MTA3: variants seen among roughly 807,000 people sequenced by gnomAD.
MTA3 encodes the protein metastasis associated 1 family member 3.
A neutral mutation model predicts 83.5 loss-of-function variants in MTA3; 34 were observed. The ratio of observed to expected loss-of-function variants is 0.41; its 90% CI spans 0.31 to 0.54. MTA3 has a LOEUF of 0.54. Ranked by LOEUF, MTA3 falls within the 20% of genes least tolerant of loss-of-function variation. MTA3 has a pLI of 0.33. For synonymous variants in MTA3, 303 were observed against 252.7 expected (o/e 1.20, Z -1.89); for missense variants, 761 against 726.4 (o/e 1.05, Z -0.55).
intron 2 of MTA3, among the ~76,000 whole-genome samples, chr2:42,574,209 A>G (rs995419479): frequency 3.5e-5 from 5 of 144,152 alleles, no homozygotes; most frequent in Non-Finnish European, 7.5e-5. Flanking sequence ...ACCTCCTCTC[A>G]CCACAACCTC....
At chr2:42,666,158 T>A (rs1690213169) in intron 8 of MTA3, among the ~76,000 whole-genome samples, 1 of 152,142 alleles carries the variant, frequency 6.6e-6, no homozygotes, top group African/African-American at 2.4e-5. Flanking sequence ...GCACCTGTAG[T>A]CCCAGCTACT....
At chr2:42,746,867 G>T (rs1669473673) in intron 16 of MTA3, among the ~76,000 whole-genome samples, 1 of 152,228 alleles carries the variant, frequency 6.6e-6, no homozygotes, top group Non-Finnish European at 1.5e-5. Flanking sequence ...CTGCCCGCTT[G>T]GGCCTTTTAT....
intron 8 of MTA3, among the ~76,000 whole-genome samples, chr2:42,669,505 C>T (rs1690602559): frequency 6.6e-6 from 1 of 152,148 alleles, no homozygotes; most frequent in African/African-American, 2.4e-5. Flanking sequence ...AAAAACTTAT[C>T]ACGGGTACTG....
At chr2:42,540,927 T>C (rs1253311480) in intron 2 of MTA3, among the ~76,000 whole-genome samples, 1 of 152,166 alleles carries the variant, frequency 6.6e-6, no homozygotes, top group Non-Finnish European at 1.5e-5. Flanking sequence ...AATGCACGAA[T>C]TTTGTACTAC....
chr2:42,625,588 T>C lies in MTA3; in HGVS notation c.318-14585T>C, dbSNP rs968634410. On this transcript the variant is annotated intron_variant, in intron 4 of 16. Transcript: ENST00000405094. Reference sequence around the variant, plus strand: ...GGTGAAACCCCGTCTCTACTAAAAATACAAAAAAATTAGCTGGGCGTGGTG... The same window carrying C: ...GGTGAAACCCCGTCTCTACTAAAAACACAAAAAAATTAGCTGGGCGTGGTG... 2.7e-5 allele frequency among the ~76,000 whole-genome samples: 4 copies of C among 149,806 alleles called. No homozygotes were observed. The East Asian group carries it at 6.2e-4, about 23-fold the overall frequency.
intron 14 of MTA3, chr2:42,709,398 C>A: frequency 1.1e-6 from 1 of 920,678 alleles, no homozygotes; most frequent in Non-Finnish European, 1.4e-6. Context: ...GCCTGCAGAG[C>A]CCTTATTGAA....
At chr2:42,672,948 G>A (rs1261028404) in intron 8 of MTA3, among the ~76,000 whole-genome samples, 2 of 150,230 alleles carry the variant, frequency 1.3e-5, no homozygotes. Context: ...CTGGGTTCAC[G>A]CGATTCTCCT....
chr2:42,503,712 C>T (rs565387608), intron 2 of MTA3, among the ~76,000 whole-genome samples: 6 of 152,062 alleles, frequency 3.9e-5, no homozygotes, highest in Non-Finnish European at 2.9e-5. Flanking sequence ...GCTCCTGTTC[C>T]TTCTCATGGC....
At chr2:42,610,699 C>T (rs527715016) in intron 4 of MTA3, among the ~76,000 whole-genome samples, 19 of 152,174 alleles carry the variant, frequency 1.2e-4, no homozygotes, top group Admixed American at 5.2e-4. Context: ...TTCTTACCCT[C>T]GGTCAGGAAA....
At chr2:42,710,549 CAAA>C (rs765315082) in intron 14 of MTA3, among the ~76,000 whole-genome samples, 18 of 61,066 alleles carry the variant, frequency 2.9e-4, no homozygotes, top group Non-Finnish European at 4.2e-4. Flanking sequence ...AACTTCATCT[CAAA>C]AAAAAAAAAA....
chr2:42,699,105 A>G (rs1040577828), intron 11 of MTA3, among the ~76,000 whole-genome samples: 1 of 152,198 alleles, frequency 6.6e-6, no homozygotes, highest in East Asian at 1.9e-4. Flanking sequence ...CTTTACGCTG[A>G]CTTTGGAGTC....
chr2:42,647,115 C>T (rs1688272483), intron 6 of MTA3, among the ~76,000 whole-genome samples: 2 of 144,272 alleles, frequency 1.4e-5, no homozygotes, highest in African/African-American at 5.4e-5. Context: ...CGAGATCGCG[C>T]CACTGCACTC....
chr2:42,518,414 C>A (rs549589506), intron 2 of MTA3, among the ~76,000 whole-genome samples: 1 of 152,238 alleles, frequency 6.6e-6, no homozygotes, highest in African/African-American at 2.4e-5. Context: ...AATGTCAAAG[C>A]CACAGAAGAA....
At chr2:42,575,805 G>C (rs1254018392) in intron 2 of MTA3, among the ~76,000 whole-genome samples, 1 of 152,108 alleles carries the variant, frequency 6.6e-6, no homozygotes, top group Non-Finnish European at 1.5e-5. Flanking sequence ...GGTGAACATA[G>C]CTTATTTCAC....
At chr2:42,640,454 A>G (rs1687603970) in intron 5 of MTA3, among the ~76,000 whole-genome samples, 1 of 152,216 alleles carries the variant, frequency 6.6e-6, no homozygotes, top group South Asian at 2.1e-4. Flanking sequence ...TTCAGTTGGT[A>G]ATGAATGGCA....
Position 42,659,708 on chromosome 2 carries a change from A to T in MTA3, c.603-55A>T. The T allele has an allele frequency of 3.0e-6, 4 of 1,342,864 alleles. 1 individual carries two copies. The South Asian group carries it at 7.1e-5, about 24-fold the overall frequency. The allele number at this position is 1,342,864 out of a possible 1,614,324, so 83.2% of individuals were successfully genotyped here. ...AAATGTGTTTTTTAAAACGTTAAAAAAACAAACCAAAACAGATACTTAATT... is the reference window on the plus strand; with the variant it reads ...AAATGTGTTTTTTAAAACGTTAAAATAACAAACCAAAACAGATACTTAATT... On this transcript the variant is annotated intron_variant, in intron 7 of 16. Coordinates refer to ENST00000405094, the MANE Select transcript of MTA3 (RefSeq NM_001330442.2).
intron 2 of MTA3, among the ~76,000 whole-genome samples, chr2:42,512,717 C>A (rs1355826694): frequency 2.6e-5 from 4 of 152,140 alleles, no homozygotes; most frequent in Admixed American, 2.6e-4. Flanking sequence ...TTAATTTAGA[C>A]CATGTCAAGG....
chr2:42,666,728 T>C (rs892092334), intron 8 of MTA3, among the ~76,000 whole-genome samples: 10 of 152,208 alleles, frequency 6.6e-5, no homozygotes, highest in African/African-American at 2.2e-4. Context: ...CAGCTTGTTA[T>C]ATCCCTTAGT....
chr2:42,643,227 G>T (rs1254003180), intron 5 of MTA3, among the ~76,000 whole-genome samples: 1 of 151,784 alleles, frequency 6.6e-6, no homozygotes, highest in Non-Finnish European at 1.5e-5. Flanking sequence ...TCTTTTATTT[G>T]CAGTTTCCTT....
Sources: gnomAD v4.1 joint callset for allele counts (sites outside exome capture counted in the v4.1 genomes callset) on GRCh38, gnomAD v4.1.1 for gene constraint, MANE v1.5 for transcripts, NCBI Gene and HGNC (gene_info 2026-07-23, HGNC 2026-07-21) for gene names.